HSPA12A: variants seen among roughly 807,000 people sequenced by gnomAD.
The protein encoded by HSPA12A is heat shock 70 kDa protein 12A.
Under a neutral mutation model 69.2 loss-of-function variants are expected in HSPA12A, and 28 were observed. The observed-to-expected ratio is 0.40, with a 90% CI of 0.30 to 0.55. HSPA12A has a LOEUF of 0.55. Ranked by LOEUF, HSPA12A falls within the 20% of genes least tolerant of loss-of-function variation. The pLI is 0.38. For synonymous variants in HSPA12A, 345 were observed against 370.5 expected, an observed-to-expected ratio of 0.93 and a Z score of 0.79; for missense variants, 686 against 900.7, an observed-to-expected ratio of 0.76 and a Z score of 3.05.
intron 6 of HSPA12A, 136 bp from the exon 7 acceptor site, chr10:116,684,098 T>G (rs12265643): frequency 0.027 from 17,830 of 669,464 alleles, 313 homozygotes; most frequent in Non-Finnish European, 0.034. Context: ...TACACAGTCC[T>G]CTGCAGAGCA....
In HSPA12A at chr10:116,790,954, G is replaced by A. The variant is rs1844690582; in HGVS notation, c.91+43981C>T. ...GATCCGCCCGCCTTGGCCTCCCAATGTGCTGGGATTAGAGGCATGAGCCAC... is the reference window on the plus strand; with the variant it reads ...GATCCGCCCGCCTTGGCCTCCCAATATGCTGGGATTAGAGGCATGAGCCAC... On this transcript the variant is annotated intron_variant, in intron 2 of 12. Transcript: ENST00000635765. Among the ~76,000 whole-genome samples the A allele has an allele frequency of 2.6e-5, 4 of 152,358 alleles. No individual in the cohort carries two copies. In the Middle Eastern group the frequency reaches 0.01, roughly 389 times the overall value.
chr10:116,703,883 C>T (rs1445107445), intron 3 of HSPA12A, among the ~76,000 whole-genome samples: 1 of 152,236 alleles, frequency 6.6e-6, no homozygotes, highest in African/African-American at 2.4e-5. Context: ...CTGAGATTCC[C>T]CTCATGCTGC....
intron 2 of HSPA12A, among the ~76,000 whole-genome samples, chr10:116,760,726 AATG>A (rs1843950062): frequency 6.6e-6 from 1 of 152,230 alleles, no homozygotes; most frequent in African/African-American, 2.4e-5. Flanking sequence ...AATTACACAG[AATG>A]ATATTTGTGA....
upstream of HSPA12A, chr10:116,849,860 G>A: frequency 1.9e-6 from 2 of 1,074,362 alleles, no homozygotes; most frequent in African/African-American, 1.6e-5. Context: ...CTGGGCCTGC[G>A]TGTGCGGAGG....
intron 2 of HSPA12A, among the ~76,000 whole-genome samples, chr10:116,795,722 A>G (rs1000521327): frequency 6.6e-6 from 1 of 150,478 alleles, no homozygotes; most frequent in African/African-American, 2.4e-5. Context: ...AAATAAAATT[A>G]CTTGGTAAGA....
chr10:116,778,676 A>G (rs61874879), intron 2 of HSPA12A, among the ~76,000 whole-genome samples: 36,623 of 152,232 alleles, frequency 0.24, 5,015 homozygotes, highest in South Asian at 0.38. Context: ...CCAAGGCAGG[A>G]GGATCGCTTG....
chr10:116,736,460 GATGACTATGTTATCTCCT>G (rs1851319594), intron 1 of HSPA12A, among the ~76,000 whole-genome samples: 4 of 152,328 alleles, frequency 2.6e-5, no homozygotes, highest in Admixed American at 2.6e-4. Context: ...CCCTGGTACC[GATGACTATGTTATCTCCT>G]ATGGGAAAAG....
At chr10:116,791,225 A>C (rs1844695050) in intron 2 of HSPA12A, among the ~76,000 whole-genome samples, 1 of 152,232 alleles carries the variant, frequency 6.6e-6, no homozygotes, top group Admixed American at 6.5e-5. Flanking sequence ...CTGAAGCTTG[A>C]AGAGCCTAGA....
At chr10:116,756,480 G>A (rs886199927) in intron 2 of HSPA12A, among the ~76,000 whole-genome samples, 7 of 152,224 alleles carry the variant, frequency 4.6e-5, no homozygotes, top group African/African-American at 1.7e-4. Context: ...GCCTTCTGAG[G>A]CCCCAAGAGT....
At chr10:116,695,791 G>A (rs1209970200) in intron 5 of HSPA12A, among the ~76,000 whole-genome samples, 5 of 151,064 alleles carry the variant, frequency 3.3e-5, no homozygotes, top group African/African-American at 9.8e-5. Flanking sequence ...ACTCCAGCCT[G>A]GCTGGGCAAC....
intron 2 of HSPA12A, among the ~76,000 whole-genome samples, chr10:116,765,823 C>T (rs181093072): frequency 6.6e-6 from 1 of 152,310 alleles, no homozygotes; most frequent in Non-Finnish European, 1.5e-5. Flanking sequence ...CCAGTCTTGC[C>T]TTAGCGTAGA....
At chr10:116,832,972 T>C (rs1009805605) in intron 2 of HSPA12A, 1 of 152,158 alleles carries the variant, frequency 6.6e-6, no homozygotes, top group African/African-American at 2.4e-5. Flanking sequence ...AAAGAGGTCA[T>C]GAGACAAGGA....
chr10:116,694,844 G>T (rs1211865278), intron 5 of HSPA12A, among the ~76,000 whole-genome samples: 1 of 152,004 alleles, frequency 6.6e-6, no homozygotes, highest in Non-Finnish European at 1.5e-5. Context: ...CCCTTTTGCC[G>T]CCTGGAACAA....
At chr10:116,752,360 C>G (rs1176359615) in intron 2 of HSPA12A, among the ~76,000 whole-genome samples, 2 of 152,220 alleles carry the variant, frequency 1.3e-5, no homozygotes, top group African/African-American at 4.8e-5. Context: ...TATCCCATAG[C>G]AAGTCAGCCA....
intron 1 of HSPA12A, among the ~76,000 whole-genome samples, chr10:116,717,748 G>C (rs1404817325): frequency 6.6e-6 from 1 of 152,156 alleles, no homozygotes; most frequent in Non-Finnish European, 1.5e-5. Context: ...CACAAGCAGA[G>C]CCCCCACCTT....
chr10:116,689,651 A>G (rs1849679032), intron 6 of HSPA12A, among the ~76,000 whole-genome samples: 1 of 152,030 alleles, frequency 6.6e-6, no homozygotes, highest in African/African-American at 2.4e-5. Flanking sequence ...ATAGATAATT[A>G]TAAGGATTTG....
chr10:116,760,450 T>C (rs909589797), intron 2 of HSPA12A, among the ~76,000 whole-genome samples: 3 of 152,192 alleles, frequency 2.0e-5, no homozygotes, highest in Non-Finnish European at 4.4e-5. Context: ...TGACTAGCTG[T>C]GTGACCTTAA....
intron 1 of HSPA12A, among the ~76,000 whole-genome samples, chr10:116,725,043 G>A (rs1454047825): frequency 1.3e-5 from 2 of 152,206 alleles, no homozygotes; most frequent in African/African-American, 4.8e-5. Context: ...AAGCCTCACA[G>A]CGAGGAACAG....
At position 116,683,944 on chromosome 10, in the gene HSPA12A, CG is replaced by C. The variant is rs782310336; in HGVS notation, c.681del (p.Glu228ArgfsTer27). ...QAAYQAGLAS[P>X]ENSEQLIIAL... ...GCAATGATGAGCTGCTCCGAGTTCT[CG>C]GGGGAGGCCAGGCCTGCCTGGAAGA... is the stretch of plus-strand genomic sequence containing the variant. On this transcript the variant is annotated frameshift_variant, in exon 7 of 12. Transcript: ENST00000369209. LOFTEE classifies it high-confidence loss of function. 4 of 1,576,834 alleles carry C rather than the reference CG, an allele frequency of 2.5e-6. No homozygotes were observed. The highest frequency in any genetic ancestry group is 1.7e-6 in the Non-Finnish European group (2 of 1,153,360).
Sources: gnomAD v4.1 joint callset for allele counts (sites outside exome capture counted in the v4.1 genomes callset) on GRCh38, gnomAD v4.1.1 for gene constraint, MANE v1.5 for transcripts, NCBI Gene and HGNC (gene_info 2026-07-23, HGNC 2026-07-21) for gene names.